The following PHF10 variants were observed in gnomAD, a reference collection of about 807,000 sequenced individuals.
PHF10 encodes BRG1-associated factor 45a.
In PHF10, 51 loss-of-function variants were observed where a neutral mutation model predicts 68.5. That is an observed-to-expected ratio of 0.74 (90% CI 0.59 to 0.94). The LOEUF (loss-of-function observed/expected upper bound fraction) is 0.94. Ranked by LOEUF, PHF10 falls within the 40% of genes least tolerant of loss-of-function variation. PHF10 has a pLI of 0.00. For missense variants in PHF10, 460 were observed against 602.6 expected, an observed-to-expected ratio of 0.76 and a Z score of 2.48; for synonymous variants, 204 against 203.5, an observed-to-expected ratio of 1.00 and a Z score of -0.02.
In PHF10 at chr6:169,723,539, G is replaced by A. The variant is rs535230310; in HGVS notation, c.87+306C>T. ...CTCCGAGGCCAACTCTCTCGGCCCC[G>A]GGCGCGTTCCGTCCCACGGCTGGCC... On this transcript the variant is annotated intron_variant, in intron 1 of 11. Coordinates refer to ENST00000339209, the MANE Select transcript of PHF10 (RefSeq NM_018288.4). Among the ~76,000 whole-genome samples the A allele has an allele frequency of 2.0e-5, 3 of 152,330 alleles. No homozygotes were observed. The East Asian group carries it at 5.8e-4, about 29-fold the overall frequency.
intron 6 of PHF10, 99 bp downstream of exon 6, chr6:169,715,609 A>G (rs1474119445): frequency 4.3e-5 from 44 of 1,019,988 alleles, no homozygotes; most frequent in Non-Finnish European, 6.5e-5. Flanking sequence ...ACACACACAC[A>G]TAGGTGGTAC....
At chr6:169,717,351 C>A (rs780787672) in intron 4 of PHF10, among the ~76,000 whole-genome samples, 1 of 152,204 alleles carries the variant, frequency 6.6e-6, no homozygotes, top group African/African-American at 2.4e-5. Context: ...TAAGTTGAAA[C>A]TATCCTAAAA....
chr6:169,715,656 A>G (rs975412006), intron 6 of PHF10, 52 bp downstream of exon 6: 1 of 1,471,574 alleles, frequency 6.8e-7, no homozygotes, highest in Non-Finnish European at 9.5e-7. Context: ...GGCACTCTGC[A>G]ATAACAAGTA....
In PHF10 at chr6:169,723,848, CG is replaced by C; in HGVS notation, c.83del (p.Pro28ArgfsTer47). 9.3e-7 allele frequency: 1 copy of C among 1,072,964 alleles called. No individual in the cohort carries two copies. 66.5% of individuals were successfully genotyped at this position (1,072,964 alleles called of 1,614,324 possible). A position where few individuals can be genotyped will look rare whatever the true frequency, so the allele number is the denominator to read the frequency against. On this transcript the variant is annotated frameshift_variant, in exon 1 of 12. Coordinates refer to ENST00000339209, the MANE Select transcript of PHF10 (RefSeq NM_018288.4). LOFTEE classifies it high-confidence loss of function. ...SDPATPGAQS[P>X]KDDNEDNSND... ...GTCGCACCGGCCGCTTCCTCACCTT[CG>C]GGGACTGCGCTCCGGGGGTGGCTGG...
At chr6:169,712,274 T>G in intron 8 of PHF10, 112 bp downstream of exon 8, 3 of 947,542 alleles carry the variant, frequency 3.2e-6, no homozygotes, top group East Asian at 2.4e-5. Context: ...GAATACTTTC[T>G]GGAAATTACA....
intron 1 of PHF10, among the ~76,000 whole-genome samples, chr6:169,722,886 GT>G (rs1287003411): frequency 2.6e-5 from 4 of 152,250 alleles, no homozygotes; most frequent in Non-Finnish European, 5.9e-5. Context: ...TGCCCTCCAG[GT>G]GCCGGGCCAG....
At position 169,717,922 on chromosome 6, in the gene PHF10, CA is replaced by C; in HGVS notation, c.326-17del. 7.4e-7 allele frequency: 1 copy of C among 1,346,944 alleles called. No individual in the cohort carries two copies. The highest frequency in any genetic ancestry group is 1.0e-6 in the Non-Finnish European group (1 of 958,392). 83.4% of individuals were successfully genotyped at this position (1,346,944 alleles called of 1,614,324 possible). A position where few individuals can be genotyped will look rare whatever the true frequency, so the allele number is the denominator to read the frequency against. The stretch of plus-strand genomic sequence containing the variant: ...CGCTCTAAATCTCCAAAAAAAAGAT[CA>C]AAAGACTATTAAAAACAGCAAAACC... On this transcript the variant is annotated splice_polypyrimidine_tract_variant and intron_variant, in intron 3 of 11. Coordinates refer to ENST00000339209, the MANE Select transcript of PHF10 (RefSeq NM_018288.4).
intron 1 of PHF10, among the ~76,000 whole-genome samples, chr6:169,722,899 C>T (rs1241119368): frequency 6.6e-6 from 1 of 152,214 alleles, no homozygotes; most frequent in Non-Finnish European, 1.5e-5. Context: ...CCGGGCCAGA[C>T]GTCAAATGCT....
intron 1 of PHF10, among the ~76,000 whole-genome samples, chr6:169,722,703 C>T (rs1182383268): frequency 6.6e-6 from 1 of 152,180 alleles, no homozygotes; most frequent in East Asian, 1.9e-4. Context: ...TTCCGTGTAA[C>T]CGCAATACTG....
At chr6:169,705,077 G>T in intron 11 of PHF10, 56 bp downstream of exon 11, 1 of 1,347,950 alleles carries the variant, frequency 7.4e-7, no homozygotes, top group Non-Finnish European at 1.0e-6. Flanking sequence ...GCCTTTTGGA[G>T]TGCTGGGAGA....
chr6:169,722,213 G>A (rs1789197050), intron 1 of PHF10, among the ~76,000 whole-genome samples: 1 of 152,154 alleles, frequency 6.6e-6, no homozygotes, highest in Non-Finnish European at 1.5e-5. Context: ...CTAGCTCCTA[G>A]GAATTAACTG....
chr6:169,705,123 T>TAAA lies in PHF10; in HGVS notation c.1411+9_1411+10insTTT, dbSNP rs745359529. The TAAA allele has an allele frequency of 2.5e-6, 4 of 1,580,746 alleles. No homozygotes were observed. In the African/African-American group the frequency reaches 5.4e-5, roughly 21 times the overall value. On this transcript the variant is annotated intron_variant, in intron 11 of 11. Transcript: ENST00000339209. ...CCAAAGATAATGTTTGCTCTTTTTT[T>TAAA]AATCTTTACCTGATGGAATAGCACC...
intron 4 of PHF10, among the ~76,000 whole-genome samples, chr6:169,717,259 G>GA (rs1466186635): frequency 6.6e-6 from 1 of 152,082 alleles, no homozygotes; most frequent in African/African-American, 2.4e-5. Flanking sequence ...AAAAAAAAGA[G>GA]AAAAATTAGA....
At chr6:169,713,906 T>G (rs1460287216) in intron 7 of PHF10, among the ~76,000 whole-genome samples, 1 of 152,088 alleles carries the variant, frequency 6.6e-6, no homozygotes, top group Non-Finnish European at 1.5e-5. Flanking sequence ...GGCGGATCAC[T>G]AGGTCAAGAG....
rs1406480406 is a variant in PHF10, at chr6:169,723,899, C to A, written c.33G>T (p.Leu11=). 1.9e-6 allele frequency: 2 copies of A among 1,076,062 alleles called. No homozygotes were observed. The highest frequency in any genetic ancestry group is 1.1e-4 in the East Asian group (2 of 17,618). The allele number at this position is 1,076,062 out of a possible 1,614,324, so 66.7% of individuals were successfully genotyped here. The part of the protein sequence containing the change: MAAAAGPGAA[L]SPRPCDSDPA... ...GGTCGCTGTCGCACGGCCGCGGGGA[C>A]AGCGCAGCCCCGGGCCCGGCCGCCG... is the stretch of plus-strand genomic sequence containing the variant. Residue 11 remains leucine, a synonymous_variant, in exon 1 of 12, where the codon CTG becomes CTT. Coordinates refer to ENST00000339209, the MANE Select transcript of PHF10 (RefSeq NM_018288.4).
At position 169,718,852 on chromosome 6, in the gene PHF10, G is replaced by C. The variant is rs1435163550; in HGVS notation, c.261C>G (p.Tyr87Ter). 1 of 1,596,096 alleles carries C rather than the reference G, an allele frequency of 6.3e-7. No homozygotes were observed. ...YKWPPDETGEYYMLQEQVSEY... is the reference protein window; with the variant it reads ...YKWPPDETGE ...CACTGACTTGTTCTTGAAGCATATA[G>C]TATTCTCCTGTTTCATCAGGTGGCC... Residue 87 changes from tyrosine to a stop codon, truncating the protein, a stop_gained, in exon 3 of 12, where the codon TAC (tyrosine) becomes TAG (stop). Coordinates refer to ENST00000339209, the MANE Select transcript of PHF10 (RefSeq NM_018288.4). LOFTEE classifies it high-confidence loss of function.
At chr6:169,722,082 T>A (rs944412308) in intron 1 of PHF10, among the ~76,000 whole-genome samples, 13 of 152,272 alleles carry the variant, frequency 8.5e-5, no homozygotes, top group African/African-American at 3.1e-4. Flanking sequence ...CCCCATTACA[T>A]GGCTAATTCA....
At chr6:169,705,050 A>G (rs1788730222) in intron 11 of PHF10, 83 bp downstream of exon 11, 2 of 1,014,924 alleles carry the variant, frequency 2.0e-6, no homozygotes, top group Non-Finnish European at 2.9e-6. Flanking sequence ...TCTTCATGTC[A>G]TGATAGCGTT....
chr6:169,722,394 T>G (rs1789200804), intron 1 of PHF10, among the ~76,000 whole-genome samples: 1 of 152,216 alleles, frequency 6.6e-6, no homozygotes, highest in African/African-American at 2.4e-5. Flanking sequence ...TTTTAAACAT[T>G]CCAGTATTTT....
Sources: allele counts gnomAD v4.1 joint callset (sites outside exome capture counted in the v4.1 genomes callset), GRCh38; gene constraint gnomAD v4.1.1; transcripts MANE v1.5; gene names NCBI Gene and HGNC (gene_info 2026-07-23, HGNC 2026-07-21).